Variants in CXADR observed in about 807,000 individuals in gnomAD.
CXADR encodes coxsackievirus and adenovirus receptor.
CXADR carries 20 observed loss-of-function variants against 40.3 expected under a neutral mutation model. The observed-to-expected ratio is 0.50, with a 90% CI of 0.35 to 0.72. The LOEUF is 0.72. Ranked by LOEUF, CXADR falls within the 30% of genes least tolerant of loss-of-function variation. The pLI, the probability that CXADR is intolerant of heterozygous loss-of-function variation, is 0.01. For missense variants in CXADR, 332 were observed against 449.1 expected (o/e 0.74, Z 2.36); for synonymous variants, 150 against 161.3 (o/e 0.93, Z 0.53).
At chr21:17,609,691 T>C in the CXADR span, among the ~76,000 whole-genome samples, 1 of 152,320 alleles carries the variant, frequency 6.6e-6, no homozygotes, top group South Asian at 2.1e-4. Context: ...TGAAAACATA[T>C]GTCCACACCA....
rs201991570 is a variant in CXADR at position 17,592,657 on chromosome 21, C to CTT, written c.1018-493_1018-492dup. Among the ~76,000 whole-genome samples, 1,254 of 151,242 alleles carry CTT rather than the reference C, an allele frequency of 8.3e-3. 9 individuals carry two copies. Among genetic ancestry groups the CTT allele is most frequent in the Non-Finnish European group, 0.014 (936 of 67,668 alleles). ...TTTTTTCCTTTTTTTCTTTCAATAACTTTGGTTAAAAAAAATTGATAAAAC... is the reference window on the plus strand; with the variant it reads ...TTTTTTCCTTTTTTTCTTTCAATAACTTTTTGGTTAAAAAAAATTGATAAAAC... On this transcript the variant is annotated intron_variant, in intron 7 of 7. Transcript: ENST00000400169.
chr21:17,555,245 T>C (rs747949445), intron 3 of CXADR, among the ~76,000 whole-genome samples: 1 of 152,164 alleles, frequency 6.6e-6, no homozygotes, highest in Non-Finnish European at 1.5e-5. Context: ...TTCCTGGACA[T>C]ATATGGTATA....
At chr21:17,596,786 T>C (rs968811483), downstream of CXADR, among the ~76,000 whole-genome samples, 12 of 152,112 alleles carry the variant, frequency 7.9e-5, no homozygotes, top group African/African-American at 2.9e-4. Context: ...CCTTTTAAGA[T>C]GTTCATTGAT....
At chr21:17,615,736 T>G in the CXADR span, among the ~76,000 whole-genome samples, 1 of 152,208 alleles carries the variant, frequency 6.6e-6, no homozygotes, top group South Asian at 2.1e-4. Context: ...TGTAGTTTGC[T>G]TTTAGCACAA....
the CXADR span, among the ~76,000 whole-genome samples, chr21:17,610,765 A>C: frequency 5.9e-5 from 9 of 152,212 alleles, no homozygotes; most frequent in Admixed American, 2.0e-4. Context: ...TTTAGCATAA[A>C]AACAACTAAC....
chr21:17,580,595 G>C (rs2061353380), intron 7 of CXADR, among the ~76,000 whole-genome samples: 1 of 152,142 alleles, frequency 6.6e-6, no homozygotes, highest in South Asian at 2.1e-4. Context: ...GGGTGACAGA[G>C]TGAGGCCTTG....
the CXADR span, among the ~76,000 whole-genome samples, chr21:17,622,661 TGGA>T: frequency 1.3e-5 from 2 of 152,276 alleles, no homozygotes; most frequent in Admixed American, 6.5e-5. Flanking sequence ...CAAAACACAA[TGGA>T]GGTATTATGT....
At chr21:17,555,449 C>G (rs2061022172) in intron 3 of CXADR, among the ~76,000 whole-genome samples, 1 of 152,240 alleles carries the variant, frequency 6.6e-6, no homozygotes, top group Admixed American at 6.5e-5. Flanking sequence ...GATCCATCAT[C>G]TAATTTCCCC....
intron 7 of CXADR, among the ~76,000 whole-genome samples, chr21:17,579,278 TTCTTC>T (rs1266565190): frequency 2.1e-5 from 3 of 141,456 alleles, no homozygotes; most frequent in African/African-American, 5.3e-5. Context: ...TCTTTTTCCT[TTCTTC>T]TCTTTTCTTT....
At chr21:17,584,960 A>G (rs1054675300) in intron 7 of CXADR, among the ~76,000 whole-genome samples, 2 of 152,238 alleles carry the variant, frequency 1.3e-5, no homozygotes, top group African/African-American at 4.8e-5. Flanking sequence ...CTTCTTCTTT[A>G]GAAGTGGTTG....
intron 1 of CXADR, among the ~76,000 whole-genome samples, chr21:17,521,470 C>G (rs539499511): frequency 5.3e-5 from 8 of 152,050 alleles, no homozygotes; most frequent in Non-Finnish European, 1.0e-4. Flanking sequence ...ATACAGGTGC[C>G]CGCCACCACA....
intron 1 of CXADR, chr21:17,519,116 A>G (rs553942118): frequency 1.4e-6 from 1 of 739,308 alleles, no homozygotes; most frequent in East Asian, 2.7e-5. Flanking sequence ...CATCAGAGGA[A>G]AAATGCCTCC....
chr21:17,569,609 G>C lies in CXADR; in HGVS notation c.*3917G>C, dbSNP rs1365808622. ...ATAATAAACACATTTGTGAATTGTG[G>C]TTCAGTTTATTTATCTTTAGGGAAG... On this transcript the variant is annotated 3_prime_UTR_variant, in exon 7 of 7. Transcript: ENST00000284878. The C allele has an allele frequency of 1.0e-5, 10 of 984,760 alleles. No homozygotes were observed. The highest frequency in any genetic ancestry group is 1.2e-5 in the Non-Finnish European group (10 of 829,576). 61.0% of individuals were successfully genotyped at this position (984,760 alleles called of 1,614,324 possible). A position where few individuals can be genotyped will look rare whatever the true frequency, so the allele number is the denominator to read the frequency against.
chr21:17,549,352 A>G (rs548492029), intron 2 of CXADR, among the ~76,000 whole-genome samples: 1 of 152,192 alleles, frequency 6.6e-6, no homozygotes. Context: ...CCTCATGTGT[A>G]AAGTAGGAAC....
At chr21:17,609,124 G>T in the CXADR span, 3 of 1,607,528 alleles carry the variant, frequency 1.9e-6, no homozygotes, top group Non-Finnish European at 2.5e-6. Context: ...AGAAGACAAC[G>T]GCAGCAATTT....
In CXADR at chr21:17,568,353, C is replaced by A. The variant is rs1340077652; in HGVS notation, c.*2661C>A. The A allele has an allele frequency of 1.0e-5, 9 of 875,682 alleles. No homozygotes were observed. Among genetic ancestry groups the A allele is most frequent in the Non-Finnish European group, 1.2e-5 (9 of 730,526 alleles). 54.2% of individuals were successfully genotyped at this position (875,682 alleles called of 1,614,324 possible). ...CCGTGTTAGCCAGGATGGTCTCGAT[C>A]TCCTGACCTCGTGATCTGCCTGCCT... On this transcript the variant is annotated 3_prime_UTR_variant, in exon 7 of 7. Coordinates refer to ENST00000284878, the MANE Select transcript of CXADR (RefSeq NM_001338.5).
chr21:17,608,761 T>C, the CXADR span: 1 of 450,882 alleles, frequency 2.2e-6, no homozygotes, highest in Non-Finnish European at 3.8e-6. Flanking sequence ...CCCATAGCAT[T>C]GGCCTCCTGT....
At chr21:17,536,453 G>C (rs1377305183) in intron 1 of CXADR, among the ~76,000 whole-genome samples, 1 of 152,062 alleles carries the variant, frequency 6.6e-6, no homozygotes, top group African/African-American at 2.4e-5. Context: ...CCCTTCTCAT[G>C]CCTTATGGTC....
chr21:17,554,690 A>T (rs2061012133), intron 3 of CXADR, among the ~76,000 whole-genome samples: 1 of 152,182 alleles, frequency 6.6e-6, no homozygotes, highest in South Asian at 2.1e-4. Flanking sequence ...CTCGAAGGTG[A>T]AAATTAATTG....
Sources: gnomAD v4.1 joint callset for allele counts (sites outside exome capture counted in the v4.1 genomes callset) on GRCh38, gnomAD v4.1.1 for gene constraint, MANE v1.5 for transcripts, NCBI Gene and HGNC (gene_info 2026-07-23, HGNC 2026-07-21) for gene names.